Variants in FGF18 observed in about 807,000 individuals in gnomAD.
The protein encoded by FGF18 is fibroblast growth factor 18.
In FGF18, 5 loss-of-function variants were observed where a neutral mutation model predicts 23.0. That is an observed-to-expected ratio of 0.22 (90% CI 0.11 to 0.46). The LOEUF (loss-of-function observed/expected upper bound fraction) is 0.46. Ranked by LOEUF, FGF18 falls within the 20% of genes least tolerant of loss-of-function variation. The pLI is 0.99. For missense variants in FGF18, 180 were observed against 291.6 expected (o/e 0.62, Z 2.79); for synonymous variants, 117 against 118.9 (o/e 0.98, Z 0.10).
chr5:171,447,993 A>G (rs1396470935), intron 3 of FGF18, among the ~76,000 whole-genome samples: 1 of 152,178 alleles, frequency 6.6e-6, no homozygotes, highest in Non-Finnish European at 1.5e-5. Context: ...ACCAGAGAGG[A>G]GAGAGAGCTA....
chr5:171,420,499 AC>A (rs1771987731), intron 2 of FGF18, 56 bp downstream of exon 2: 6 of 1,532,100 alleles, frequency 3.9e-6, no homozygotes, highest in Non-Finnish European at 3.6e-6. Flanking sequence ...GTACACGCCG[AC>A]CCCCCTTCCC....
At chr5:171,445,839 C>A (rs1372296558) in intron 3 of FGF18, among the ~76,000 whole-genome samples, 1 of 152,068 alleles carries the variant, frequency 6.6e-6, no homozygotes, top group African/African-American at 2.4e-5. Flanking sequence ...AACTCCTCCG[C>A]CTGGCCTGGT....
intron 2 of FGF18, among the ~76,000 whole-genome samples, chr5:171,431,204 A>G (rs1021897309): frequency 6.6e-6 from 1 of 152,208 alleles, no homozygotes; most frequent in African/African-American, 2.4e-5. Flanking sequence ...GGAAGCTGGT[A>G]CTAGGCTGGG....
At chr5:171,431,940 C>T (rs1381689087) in intron 2 of FGF18, among the ~76,000 whole-genome samples, 1 of 151,938 alleles carries the variant, frequency 6.6e-6, no homozygotes, top group Non-Finnish European at 1.5e-5. Context: ...CCCAGCTACT[C>T]GGGGAGGCTG....
At chr5:171,428,969 C>G (rs1561884928) in intron 2 of FGF18, among the ~76,000 whole-genome samples, 1 of 152,230 alleles carries the variant, frequency 6.6e-6, no homozygotes, top group Non-Finnish European at 1.5e-5. Context: ...CCCTCCCCTG[C>G]TGATGGCTCA....
At chr5:171,454,172 A>G (rs1772551429) in intron 4 of FGF18, among the ~76,000 whole-genome samples, 1 of 152,076 alleles carries the variant, frequency 6.6e-6, no homozygotes, top group Non-Finnish European at 1.5e-5. Flanking sequence ...GAGGAAGAAG[A>G]ATTGTCCAGG....
At chr5:171,421,182 T>C (rs1279418317) in intron 2 of FGF18, among the ~76,000 whole-genome samples, 2 of 151,978 alleles carry the variant, frequency 1.3e-5, no homozygotes, top group Non-Finnish European at 2.9e-5. Flanking sequence ...CTCGGGAAGG[T>C]CTTGGCACGC....
intron 2 of FGF18, among the ~76,000 whole-genome samples, chr5:171,431,613 T>C (rs898454785): frequency 6.6e-6 from 1 of 152,136 alleles, no homozygotes. Context: ...GATCTTAGGC[T>C]GAAGGGGACC....
intron 3 of FGF18, among the ~76,000 whole-genome samples, chr5:171,441,305 C>T (rs945847310): frequency 2.6e-5 from 4 of 152,188 alleles, no homozygotes; most frequent in African/African-American, 4.8e-5. Context: ...CAGAGGTGCT[C>T]ATCTCACTTA....
chr5:171,450,752 G>A (rs1361301376), intron 4 of FGF18, among the ~76,000 whole-genome samples: 2 of 152,040 alleles, frequency 1.3e-5, no homozygotes, highest in Admixed American at 6.5e-5. Flanking sequence ...ACTGGGGCGC[G>A]GGCGCCGGGT....
At chr5:171,443,501 ATTTTTTTTTTT>A (rs59576538) in intron 3 of FGF18, among the ~76,000 whole-genome samples, 25 of 63,778 alleles carry the variant, frequency 3.9e-4, no homozygotes, top group South Asian at 1.5e-3. Flanking sequence ...TGTTATCATC[ATTTTTTTTTTT>A]TTTTTTTTTT....
intron 3 of FGF18, among the ~76,000 whole-genome samples, chr5:171,438,442 A>T (rs2113347358): frequency 6.6e-6 from 1 of 151,658 alleles, no homozygotes; most frequent in South Asian, 2.1e-4. Context: ...CCACGGAGGG[A>T]TCCTGTCCAA....
At chr5:171,439,302 A>G (rs1464608164) in intron 3 of FGF18, among the ~76,000 whole-genome samples, 1 of 152,076 alleles carries the variant, frequency 6.6e-6, no homozygotes, top group Admixed American at 6.6e-5. Context: ...CAGTACTGAA[A>G]AGCTTTAGGG....
chr5:171,440,897 G>A lies in FGF18; in HGVS notation c.250+4624G>A, dbSNP rs1340907314. 3.9e-4 allele frequency among the ~76,000 whole-genome samples: 59 copies of A among 152,220 alleles called. No homozygotes were observed. Among genetic ancestry groups the A allele is most frequent in the Admixed American group, 3.9e-3 (59 of 15,280 alleles). ...GGTGGAACCATCTGTTGACGTGGCT[G>A]GTGCCCCTGCGAGAGTGTGAGCTCC... On this transcript the variant is annotated intron_variant, in intron 3 of 4. Coordinates refer to ENST00000274625, the MANE Select transcript of FGF18 (RefSeq NM_003862.3). The surrounding 1 kb of genome is among the most constrained non-coding windows in gnomAD (Gnocchi z 4.0).
In FGF18 at chr5:171,436,347, C is replaced by T; in HGVS notation, c.250+74C>T. On this transcript the variant is annotated intron_variant, in intron 3 of 4. Transcript: ENST00000274625. The surrounding 1 kb of genome is among the most constrained non-coding windows in gnomAD (Gnocchi z 4.4). ...TTCCTGGCCTCAGAGACCTCAAGTTCAAATGCCAGCCTTGCTGCTCCTGGC... is the reference window on the plus strand; with the variant it reads ...TTCCTGGCCTCAGAGACCTCAAGTTTAAATGCCAGCCTTGCTGCTCCTGGC... The T allele has an allele frequency of 8.2e-7, 1 of 1,220,060 alleles. No homozygotes were observed. The highest frequency in any genetic ancestry group is 3.5e-5 in the Admixed American group (1 of 28,606). The allele number at this position is 1,220,060 out of a possible 1,614,324, so 75.6% of individuals were successfully genotyped here.
chr5:171,424,859 G>A (rs570391758), intron 2 of FGF18, among the ~76,000 whole-genome samples: 1 of 152,016 alleles, frequency 6.6e-6, no homozygotes, highest in Non-Finnish European at 1.5e-5. Context: ...GGAAGGGGGA[G>A]GGGGAGGGGA....
chr5:171,452,954 T>G (rs966871630), intron 4 of FGF18, among the ~76,000 whole-genome samples: 1 of 152,120 alleles, frequency 6.6e-6, no homozygotes, highest in African/African-American at 2.4e-5. Flanking sequence ...GTCATCAGGA[T>G]TCCGTCTTCA....
intron 3 of FGF18, among the ~76,000 whole-genome samples, chr5:171,445,532 T>A (rs577347831): frequency 6.9e-6 from 1 of 145,110 alleles, no homozygotes; most frequent in South Asian, 2.4e-4. Context: ...CTAATTTTTG[T>A]GGTTTTTTTT....
At chr5:171,429,542 G>T (rs1025860299) in intron 2 of FGF18, among the ~76,000 whole-genome samples, 1 of 152,252 alleles carries the variant, frequency 6.6e-6, no homozygotes, top group African/African-American at 2.4e-5. Flanking sequence ...AGGAGTGAAG[G>T]TCTCCAGTTT....
Sources: allele counts gnomAD v4.1 joint callset (sites outside exome capture counted in the v4.1 genomes callset), GRCh38; gene constraint gnomAD v4.1.1; non-coding constraint Gnocchi (gnomAD v3.1); transcripts MANE v1.5; gene names NCBI Gene and HGNC (gene_info 2026-07-23, HGNC 2026-07-21).